EVI5: variants seen among roughly 807,000 people sequenced by gnomAD.
EVI5 encodes the protein ecotropic viral integration site 5.
Under a neutral mutation model 112.0 loss-of-function variants are expected in EVI5, and 73 were observed. That is an observed-to-expected ratio of 0.65 (90% CI 0.54 to 0.79). The LOEUF (loss-of-function observed/expected upper bound fraction) is 0.79, where lower values mean the gene tolerates loss of function less well. Ranked by LOEUF, EVI5 falls within the 30% of genes least tolerant of loss-of-function variation. The pLI is 0.00. For missense variants in EVI5, 900 were observed against 968.8 expected, an observed-to-expected ratio of 0.93 and a Z score of 0.94; for synonymous variants, 305 against 319.9, an observed-to-expected ratio of 0.95 and a Z score of 0.50.
At chr1:92,539,431 T>C (rs1285878077) in intron 19 of EVI5, among the ~76,000 whole-genome samples, 4 of 150,794 alleles carry the variant, frequency 2.7e-5, no homozygotes, top group Admixed American at 1.3e-4. Flanking sequence ...TAGTCCCAGC[T>C]ACTTGGGAGG....
intron 1 of EVI5, among the ~76,000 whole-genome samples, chr1:92,750,923 G>A (rs1474752990): frequency 6.6e-6 from 1 of 152,166 alleles, no homozygotes; most frequent in East Asian, 1.9e-4. Flanking sequence ...GGCCGAGGCG[G>A]GCGGATCATG....
intron 10 of EVI5, among the ~76,000 whole-genome samples, chr1:92,676,051 T>C (rs1339607051): frequency 1.4e-5 from 2 of 144,556 alleles, no homozygotes; most frequent in East Asian, 2.1e-4. Context: ...GGAAAAAACA[T>C]CCACAGGGGT....
chr1:92,788,476 A>AAAAACAAAACAAAAC (rs542746642), upstream of EVI5, among the ~76,000 whole-genome samples: 1 of 147,268 alleles, frequency 6.8e-6, no homozygotes, highest in African/African-American at 2.5e-5. Context: ...ACTCCATCTC[A>AAAAACAAAACAAAAC]AAAACAAAAC....
intron 18 of EVI5, among the ~76,000 whole-genome samples, chr1:92,594,792 T>C (rs1000495617): frequency 3.4e-5 from 5 of 149,062 alleles, no homozygotes; most frequent in Non-Finnish European, 3.0e-5. Context: ...AAGACATTTA[T>C]GCAGCCAAAA....
intron 19 of EVI5, among the ~76,000 whole-genome samples, chr1:92,555,393 G>GT (rs568925867): frequency 1.3e-5 from 2 of 152,134 alleles, no homozygotes; most frequent in Admixed American, 6.5e-5. Flanking sequence ...AGATAGCACT[G>GT]TTTTTAATTC....
intron 16 of EVI5, among the ~76,000 whole-genome samples, chr1:92,621,481 T>C (rs539704458): frequency 1.3e-5 from 2 of 152,190 alleles, no homozygotes; most frequent in Non-Finnish European, 2.9e-5. Context: ...CTGGATAATT[T>C]TTTTGTATTT....
At chr1:92,791,287 G>A (rs190993686) in intron 1 of EVI5, among the ~76,000 whole-genome samples, 56 of 152,302 alleles carry the variant, frequency 3.7e-4, no homozygotes, top group African/African-American at 1.3e-3. Flanking sequence ...ATTCATGCAA[G>A]TGACTAGACT....
chr1:92,602,181 G>T (rs2039451), intron 18 of EVI5, among the ~76,000 whole-genome samples: 140,295 of 152,256 alleles, frequency 0.92, 64,718 homozygotes, highest in East Asian at 0.97. Context: ...AATTACATTT[G>T]AAATTGAAAT....
intron 2 of EVI5, among the ~76,000 whole-genome samples, chr1:92,735,179 G>A (rs1406584294): frequency 6.6e-6 from 1 of 152,162 alleles, no homozygotes; most frequent in Admixed American, 6.5e-5. Context: ...ATAGCAACAG[G>A]TGAGTGAATA....
chr1:92,627,362 G>A (rs1655912875), intron 14 of EVI5, among the ~76,000 whole-genome samples: 1 of 152,310 alleles, frequency 6.6e-6, no homozygotes, highest in East Asian at 1.9e-4. Flanking sequence ...TTATGGCTAA[G>A]TAGTATTCCA....
intron 1 of EVI5, among the ~76,000 whole-genome samples, chr1:92,769,826 G>A (rs1044229380): frequency 6.6e-6 from 1 of 152,176 alleles, no homozygotes; most frequent in Non-Finnish European, 1.5e-5. Flanking sequence ...GGCAGAGCCT[G>A]CAGTGAGCCG....
chr1:92,790,879 C>G (rs1301635391), intron 1 of EVI5, among the ~76,000 whole-genome samples: 1 of 151,928 alleles, frequency 6.6e-6, no homozygotes, highest in Admixed American at 6.6e-5. Context: ...CACTTTACCT[C>G]CACCGTATGC....
At chr1:92,651,799 C>T (rs986015000) in intron 13 of EVI5, among the ~76,000 whole-genome samples, 1 of 143,368 alleles carries the variant, frequency 7.0e-6, no homozygotes, top group African/African-American at 2.7e-5. Context: ...TGCAGTGAGC[C>T]GAGATCCCGC....
At chr1:92,635,710 G>C (rs907024374) in intron 14 of EVI5, among the ~76,000 whole-genome samples, 1 of 152,144 alleles carries the variant, frequency 6.6e-6, no homozygotes. Flanking sequence ...ACGGCAGTTG[G>C]AAATGCAGAA....
chr1:92,755,863 G>T, intron 1 of EVI5: 2 of 162,072 alleles, frequency 1.2e-5, no homozygotes, highest in East Asian at 1.7e-4. Context: ...AATATTCACC[G>T]AGCACTTGGT....
At chr1:92,647,359 A>T (rs1234482352) in intron 13 of EVI5, 1 of 254,902 alleles carries the variant, frequency 3.9e-6, no homozygotes, top group African/African-American at 2.2e-5. Context: ...GAATACAGAC[A>T]TGTCTCTTTT....
intron 18 of EVI5, among the ~76,000 whole-genome samples, chr1:92,579,194 T>A (rs557814033): frequency 6.6e-6 from 1 of 152,360 alleles, no homozygotes; most frequent in South Asian, 2.1e-4. Context: ...GTGTATCTTC[T>A]GTAGCATTGG....
chr1:92,679,874 C>T (rs775499348), intron 9 of EVI5, among the ~76,000 whole-genome samples: 2 of 152,112 alleles, frequency 1.3e-5, no homozygotes, highest in Non-Finnish European at 2.9e-5. Context: ...ACATAAATGC[C>T]GTTTTCATTG....
intron 1 of EVI5, among the ~76,000 whole-genome samples, chr1:92,779,405 A>C (rs12045019): frequency 0.92 from 139,708 of 151,978 alleles, 64,289 homozygotes; most frequent in East Asian, 0.97. Flanking sequence ...TGCCTGTAAT[A>C]CCAGCTACTT....
Sources: gnomAD v4.1 joint callset for allele counts (sites outside exome capture counted in the v4.1 genomes callset) on GRCh38, gnomAD v4.1.1 for gene constraint, MANE v1.5 for transcripts, NCBI Gene and HGNC (gene_info 2026-07-23, HGNC 2026-07-21) for gene names.